Variants in GABRB1 observed in about 807,000 individuals in gnomAD.
GABRB1 encodes gamma-aminobutyric acid receptor subunit beta-1.
Under a neutral mutation model 51.6 loss-of-function variants are expected in GABRB1, and 17 were observed. The observed-to-expected ratio is 0.33, with a 90% CI of 0.23 to 0.49. The LOEUF (loss-of-function observed/expected upper bound fraction) is 0.49, where lower values mean the gene tolerates loss of function less well. Among genes scored for constraint, GABRB1 ranks in the 20% least tolerant of loss-of-function variants. GABRB1 has a pLI of 0.99. For synonymous variants in GABRB1, 247 were observed against 218.9 expected (o/e 1.13, Z -1.14); for missense variants, 410 against 600.6 (o/e 0.68, Z 3.32).
At chr4:46,994,494 G>GAGAGAGAC (rs1723913710) in intron 1 of GABRB1, 2 of 146,112 alleles carry the variant, frequency 1.4e-5, no homozygotes, top group African/African-American at 5.1e-5. Context: ...GAGAGAGAGA[G>GAGAGAGAC]AGAGAGAGAC....
At chr4:47,184,857 A>G (rs965386760) in intron 4 of GABRB1, among the ~76,000 whole-genome samples, 11 of 152,004 alleles carry the variant, frequency 7.2e-5, no homozygotes, top group Non-Finnish European at 1.3e-4. Flanking sequence ...AGACTGCCAC[A>G]TACATAAGGT....
At chr4:47,171,782 C>T (rs964052452) in intron 4 of GABRB1, among the ~76,000 whole-genome samples, 2 of 152,168 alleles carry the variant, frequency 1.3e-5, no homozygotes, top group South Asian at 2.1e-4. Context: ...GCCTATGTAA[C>T]ACATGTTGCT....
At chr4:47,144,920 T>C (rs867208107) in intron 3 of GABRB1, among the ~76,000 whole-genome samples, 10 of 151,980 alleles carry the variant, frequency 6.6e-5, no homozygotes, top group South Asian at 2.1e-4. Context: ...GAATGTATGA[T>C]GCTACAGGAG....
chr4:47,216,642 A>C (rs1055395301), intron 4 of GABRB1, among the ~76,000 whole-genome samples: 3 of 151,950 alleles, frequency 2.0e-5, no homozygotes, highest in African/African-American at 7.2e-5. Context: ...AATGGCAAAT[A>C]GTCGTATGAT....
chr4:47,197,841 A>G (rs1719748420), intron 4 of GABRB1, among the ~76,000 whole-genome samples: 1 of 152,162 alleles, frequency 6.6e-6, no homozygotes, highest in Non-Finnish European at 1.5e-5. Flanking sequence ...TTTTGTAAGA[A>G]CACCTGTGAC....
intron 4 of GABRB1, among the ~76,000 whole-genome samples, chr4:47,282,569 A>C (rs991136495): frequency 5.3e-5 from 8 of 152,228 alleles, no homozygotes; most frequent in African/African-American, 1.9e-4. Context: ...AGCATAAAAA[A>C]AAAACAGTAA....
chr4:47,304,155 A>G (rs1724362545), intron 4 of GABRB1, among the ~76,000 whole-genome samples: 1 of 151,976 alleles, frequency 6.6e-6, no homozygotes. Context: ...TTGACTATTT[A>G]CCCAGTAGAC....
chr4:47,126,210 C>G (rs1451279270), intron 3 of GABRB1, among the ~76,000 whole-genome samples: 1 of 152,004 alleles, frequency 6.6e-6, no homozygotes, highest in Non-Finnish European at 1.5e-5. Context: ...ACTGCATAAT[C>G]TCACATATAT....
chr4:47,099,671 A>G (rs1444915168), intron 3 of GABRB1, among the ~76,000 whole-genome samples: 1 of 152,002 alleles, frequency 6.6e-6, no homozygotes, highest in African/African-American at 2.4e-5. Flanking sequence ...CAGTCATCAC[A>G]CCTGGGGAAA....
intron 4 of GABRB1, among the ~76,000 whole-genome samples, chr4:47,171,012 G>T (rs1718415012): frequency 6.6e-6 from 1 of 152,092 alleles, no homozygotes; most frequent in African/African-American, 2.4e-5. Flanking sequence ...ATAATTAAAT[G>T]ATATTACGAT....
intron 4 of GABRB1, among the ~76,000 whole-genome samples, chr4:47,284,974 C>T (rs941878446): frequency 3.9e-5 from 6 of 152,148 alleles, no homozygotes; most frequent in Non-Finnish European, 8.8e-5. Context: ...GGATCGTACC[C>T]CATGAAATAA....
chr4:47,230,532 G>A (rs975920941), intron 4 of GABRB1, among the ~76,000 whole-genome samples: 1 of 152,100 alleles, frequency 6.6e-6, no homozygotes, highest in East Asian at 1.9e-4. Context: ...TGATAACACA[G>A]TTTCAGTTCT....
chr4:47,033,304 T>C (rs1396671494), intron 3 of GABRB1, among the ~76,000 whole-genome samples: 1 of 152,162 alleles, frequency 6.6e-6, no homozygotes, highest in Non-Finnish European at 1.5e-5. Flanking sequence ...TCCCTCTCTT[T>C]TTGGAAGCTA....
chr4:47,251,809 A>C (rs544897777), intron 4 of GABRB1, among the ~76,000 whole-genome samples: 1 of 152,172 alleles, frequency 6.6e-6, no homozygotes, highest in East Asian at 1.9e-4. Context: ...CTCCCATGCA[A>C]ACTGAAGGGC....
At chr4:47,286,097 G>A (rs954500108) in intron 4 of GABRB1, among the ~76,000 whole-genome samples, 1 of 152,148 alleles carries the variant, frequency 6.6e-6, no homozygotes, top group African/African-American at 2.4e-5. Flanking sequence ...ATGCAAATGG[G>A]TAATCTTGTT....
chr4:47,095,442 C>A (rs960742040), intron 3 of GABRB1, among the ~76,000 whole-genome samples: 2 of 152,126 alleles, frequency 1.3e-5, no homozygotes, highest in African/African-American at 4.8e-5. Flanking sequence ...GCTACGTCTG[C>A]GAAGCCTGGT....
Position 47,031,741 on chromosome 4 carries a change from T to A in GABRB1, c.80+10T>A. 8 of 1,602,102 alleles carry A rather than the reference T, an allele frequency of 5.0e-6. No individual in the cohort carries two copies. Among genetic ancestry groups the A allele is most frequent in the Admixed American group, 1.7e-5 (1 of 59,498 alleles). On this transcript the variant is annotated intron_variant, in intron 1 of 8. Coordinates refer to ENST00000295454, the MANE Select transcript of GABRB1 (RefSeq NM_000812.4). Reference sequence around the variant, plus strand: ...TCTGTTGTGCACACAGGTGAGCTGCTGTTGTTGAATCTCGCTCTCTCTCTC... The same window carrying A: ...TCTGTTGTGCACACAGGTGAGCTGCAGTTGTTGAATCTCGCTCTCTCTCTC...
In GABRB1 at chr4:47,111,086, AT is replaced by A. The variant is rs556105067; in HGVS notation, c.241-50161del. ...CAGTGCGATATGGAAAAAATATTGC[AT>A]TAATTTTCAGTAGTTCTTCAAAAGA... On this transcript the variant is annotated intron_variant, in intron 3 of 8. Transcript: ENST00000295454. Among the ~76,000 whole-genome samples the A allele has an allele frequency of 3.3e-5, 5 of 152,336 alleles. No individual in the cohort carries two copies. In the South Asian group the frequency reaches 1.0e-3, roughly 32 times the overall value.
intron 5 of GABRB1, among the ~76,000 whole-genome samples, chr4:47,401,115 A>G (rs6857323): frequency 0.6 from 91,327 of 151,486 alleles, 28,182 homozygotes; most frequent in African/African-American, 0.74. Context: ...ACTTAGGTTG[A>G]CTCCATATCT....
Sources: allele counts gnomAD v4.1 joint callset (sites outside exome capture counted in the v4.1 genomes callset), GRCh38; gene constraint gnomAD v4.1.1; transcripts MANE v1.5; gene names NCBI Gene and HGNC (gene_info 2026-07-23, HGNC 2026-07-21).